The following UTS2B variants were observed in gnomAD, a reference collection of about 807,000 sequenced individuals.
UTS2B encodes the protein urotensin 2B, also known as urotensin-2B.
UTS2B carries 21 observed loss-of-function variants against 19.2 expected under a neutral mutation model. The ratio of observed to expected loss-of-function variants is 1.09; its 90% CI spans 0.78 to 1.58. The LOEUF is 1.58. Ranked by LOEUF, UTS2B falls within the 40% of genes most tolerant of loss-of-function variation. UTS2B has a pLI of 0.00. For missense variants in UTS2B, 138 were observed against 130.3 expected (o/e 1.06, Z -0.29); for synonymous variants, 57 against 50.2 (o/e 1.14, Z -0.58).
chr3:191,301,894 A>C (rs78839512), intron 4 of UTS2B, among the ~76,000 whole-genome samples: 2,501 of 152,302 alleles, frequency 0.016, 83 homozygotes, highest in African/African-American at 0.057. Flanking sequence ...AGAATCTGTT[A>C]GATGGAGTCA....
intron 3 of UTS2B, among the ~76,000 whole-genome samples, chr3:191,312,150 T>C (rs1389435721): frequency 3.1e-5 from 4 of 130,786 alleles, no homozygotes; most frequent in Non-Finnish European, 6.4e-5. Context: ...AGATTCTGTC[T>C]CAAAAAAAAA....
At chr3:191,287,495 C>G (rs1425370931) in intron 4 of UTS2B, among the ~76,000 whole-genome samples, 2 of 151,800 alleles carry the variant, frequency 1.3e-5, no homozygotes, top group African/African-American at 4.8e-5. Context: ...GAACGAAGAA[C>G]AAAACTATAC....
intron 3 of UTS2B, among the ~76,000 whole-genome samples, chr3:191,311,686 T>C (rs919493030): frequency 1.3e-5 from 2 of 152,348 alleles, no homozygotes; most frequent in East Asian, 1.9e-4. Context: ...AGCTTCTCAA[T>C]GATTTCAGTG....
At chr3:191,298,299 G>C (rs1320033564) in intron 4 of UTS2B, among the ~76,000 whole-genome samples, 1 of 152,192 alleles carries the variant, frequency 6.6e-6, no homozygotes, top group Non-Finnish European at 1.5e-5. Flanking sequence ...CAAATTTTAT[G>C]TCAAATTGTA....
In UTS2B at chr3:191,273,674, T is replaced by C. The variant is rs1716153716; in HGVS notation, c.334+1578A>G. 1.4e-4 allele frequency: 56 copies of C among 406,226 alleles called. 2 individuals are homozygous for C. Among genetic ancestry groups the C allele is most frequent in the South Asian group, 9.6e-4 (54 of 55,962 alleles). The allele number at this position is 406,226 out of a possible 1,614,324, so 25.2% of individuals were successfully genotyped here. A position where few individuals can be genotyped will look rare whatever the true frequency, so the allele number is the denominator to read the frequency against. ...TTACAACTGTTAACACCTAATAGCCTAAGCTATACTGATTCAGGAAAGGTC... is the reference window on the plus strand; with the variant it reads ...TTACAACTGTTAACACCTAATAGCCCAAGCTATACTGATTCAGGAAAGGTC... On this transcript the variant is annotated intron_variant, in intron 8 of 8. Coordinates refer to ENST00000340524, the MANE Select transcript of UTS2B (RefSeq NM_198152.5).
At chr3:191,269,644 A>G (rs1392901867) in intron 8 of UTS2B, among the ~76,000 whole-genome samples, 1 of 152,144 alleles carries the variant, frequency 6.6e-6, no homozygotes, top group East Asian at 1.9e-4. Context: ...AGCTGGGACT[A>G]CAGGTGCATG....
intron 4 of UTS2B, among the ~76,000 whole-genome samples, chr3:191,296,566 C>T (rs1353619305): frequency 1.3e-5 from 2 of 152,100 alleles, no homozygotes; most frequent in East Asian, 3.8e-4. Flanking sequence ...AATTCCTGGC[C>T]CATAATTGTT....
At chr3:191,276,687 A>G in intron 7 of UTS2B, 120 bp downstream of exon 7, 2 of 811,786 alleles carry the variant, frequency 2.5e-6, no homozygotes, top group Non-Finnish European at 3.7e-6. Flanking sequence ...CGCTTTGTTT[A>G]GCAGGAATAA....
At chr3:191,308,112 G>A (rs1296105552) in intron 3 of UTS2B, among the ~76,000 whole-genome samples, 1 of 152,198 alleles carries the variant, frequency 6.6e-6, no homozygotes, top group Non-Finnish European at 1.5e-5. Context: ...GGGATTACAG[G>A]CATCAGCCAC....
the UTS2B span, among the ~76,000 whole-genome samples, chr3:191,341,139 A>G: frequency 2.6e-5 from 4 of 152,150 alleles, no homozygotes; most frequent in Non-Finnish European, 5.9e-5. Flanking sequence ...AAATTGCAGC[A>G]CAGATTCTGT....
chr3:191,289,450 A>ATG, intron 4 of UTS2B, among the ~76,000 whole-genome samples: 1 of 144,134 alleles, frequency 6.9e-6, no homozygotes, highest in South Asian at 2.2e-4. Flanking sequence ...AAATAAATAA[A>ATG]AAACAAACGA....
intron 2 of UTS2B, among the ~76,000 whole-genome samples, chr3:191,318,896 T>C (rs955736573): frequency 3.3e-5 from 5 of 152,220 alleles, no homozygotes; most frequent in South Asian, 2.1e-4. Flanking sequence ...TATTTGTAAA[T>C]TTTATATGTA....
upstream of UTS2B, among the ~76,000 whole-genome samples, chr3:191,335,082 A>G (rs994349695): frequency 1.3e-5 from 2 of 152,204 alleles, no homozygotes; most frequent in Admixed American, 1.3e-4. Flanking sequence ...GTCATAGGCC[A>G]TGGTCTTTCC....
chr3:191,318,000 A>T (rs12485795), intron 2 of UTS2B, among the ~76,000 whole-genome samples: 34,066 of 152,028 alleles, frequency 0.22, 4,179 homozygotes, highest in South Asian at 0.29. Context: ...CTTCTACTGC[A>T]TTTTATTGGT....
chr3:191,337,404 T>C, the UTS2B span, among the ~76,000 whole-genome samples: 1 of 150,584 alleles, frequency 6.6e-6, no homozygotes, highest in Non-Finnish European at 1.5e-5. Flanking sequence ...CTCTCTCTCT[T>C]TTTTTTTTAA....
chr3:191,330,296 A>AACACAC (rs3048670), intron 1 of UTS2B, 118 bp downstream of exon 1: 4,398 of 137,102 alleles, frequency 0.032, 82 homozygotes, highest in South Asian at 0.07. Context: ...TTACAAACAA[A>AACACAC]ACACACACAC....
intron 4 of UTS2B, among the ~76,000 whole-genome samples, chr3:191,297,360 G>A (rs1346863755): frequency 2.0e-5 from 3 of 152,136 alleles, no homozygotes. Flanking sequence ...AGAGAGAGGA[G>A]AATGCTTTCA....
At chr3:191,296,274 CAT>C (rs1344984805) in intron 4 of UTS2B, among the ~76,000 whole-genome samples, 8 of 94,952 alleles carry the variant, frequency 8.4e-5, no homozygotes, top group South Asian at 3.0e-4. Flanking sequence ...CACACACACA[CAT>C]ACACACACAT....
intron 8 of UTS2B, among the ~76,000 whole-genome samples, chr3:191,273,111 T>C (rs1224485108): frequency 6.6e-6 from 1 of 152,076 alleles, no homozygotes; most frequent in Admixed American, 6.5e-5. Flanking sequence ...GAGGTTGCAG[T>C]GAGCCGAGAT....
Sources: allele counts gnomAD v4.1 joint callset (sites outside exome capture counted in the v4.1 genomes callset), GRCh38; gene constraint gnomAD v4.1.1; transcripts MANE v1.5; gene names NCBI Gene and HGNC (gene_info 2026-07-23, HGNC 2026-07-21).